Variants in PIAS1 observed in about 807,000 individuals in gnomAD.
PIAS1 encodes E3 SUMO-protein ligase PIAS1.
A neutral mutation model predicts 71.3 loss-of-function variants in PIAS1; 6 were observed. The observed-to-expected ratio is 0.08, with a 90% CI of 0.05 to 0.17. The LOEUF (loss-of-function observed/expected upper bound fraction) is 0.17. Among genes scored for constraint, PIAS1 ranks in the 10% least tolerant of loss-of-function variants. The pLI, the probability that PIAS1 is intolerant of heterozygous loss-of-function variation, is 1.00. For synonymous variants in PIAS1, 303 were observed against 292.9 expected (o/e 1.03, Z -0.35); for missense variants, 555 against 793.6 (o/e 0.70, Z 3.61).
chr15:68,056,606 T>G (rs2091899236), intron 1 of PIAS1, among the ~76,000 whole-genome samples: 2 of 152,122 alleles, frequency 1.3e-5, no homozygotes, highest in African/African-American at 4.8e-5. Context: ...TGTGTGTGTC[T>G]GAGACTTTGA....
intron 2 of PIAS1, among the ~76,000 whole-genome samples, chr15:68,103,928 GTTTTCAATTCT>G (rs2092449209): frequency 6.6e-6 from 1 of 152,152 alleles, no homozygotes; most frequent in Non-Finnish European, 1.5e-5. Flanking sequence ...GTGGAAATAT[GTTTTCAATTCT>G]TTTGGTTAAA....
chr15:68,158,356 T>C (rs2092904471), intron 7 of PIAS1, among the ~76,000 whole-genome samples: 1 of 152,212 alleles, frequency 6.6e-6, no homozygotes, highest in African/African-American at 2.4e-5. Flanking sequence ...TTTTGTGCTC[T>C]ATGCCTCAAA....
intron 1 of PIAS1, among the ~76,000 whole-genome samples, chr15:68,075,278 G>A (rs113928601): frequency 6.6e-6 from 1 of 151,296 alleles, no homozygotes; most frequent in Non-Finnish European, 1.5e-5. Context: ...TAGAGATGGA[G>A]TTTCACCATG....
intron 2 of PIAS1, among the ~76,000 whole-genome samples, chr15:68,139,792 TC>T (rs1488528171): frequency 1.3e-5 from 2 of 152,188 alleles, no homozygotes; most frequent in African/African-American, 4.8e-5. Flanking sequence ...TTTTTCTGTA[TC>T]CCTGTGGATT....
At chr15:68,143,005 CATTT>C (rs1331705990) in intron 4 of PIAS1, among the ~76,000 whole-genome samples, 2 of 152,050 alleles carry the variant, frequency 1.3e-5, no homozygotes, top group African/African-American at 4.8e-5. Flanking sequence ...TTAGCCCATT[CATTT>C]GTCTTAGAAT....
At chr15:68,102,215 G>A (rs2092432873) in intron 2 of PIAS1, among the ~76,000 whole-genome samples, 1 of 152,118 alleles carries the variant, frequency 6.6e-6, no homozygotes, top group African/African-American at 2.4e-5. Context: ...TGTTGCAAAG[G>A]CCGTCCTCCT....
chr15:68,091,095 A>G (rs1177081901), intron 2 of PIAS1, among the ~76,000 whole-genome samples: 3 of 152,144 alleles, frequency 2.0e-5, no homozygotes, highest in African/African-American at 7.2e-5. Context: ...ACATGTGTTA[A>G]GGGGTACTTT....
intron 2 of PIAS1, among the ~76,000 whole-genome samples, chr15:68,094,432 C>G (rs2092357802): frequency 6.6e-6 from 1 of 151,800 alleles, no homozygotes; most frequent in Non-Finnish European, 1.5e-5. Context: ...GGAACAGATG[C>G]TTTAACACTC....
At chr15:68,072,612 T>C (rs771646187) in intron 1 of PIAS1, among the ~76,000 whole-genome samples, 20 of 152,250 alleles carry the variant, frequency 1.3e-4, no homozygotes, top group Admixed American at 2.6e-4. Flanking sequence ...CCATCTGAAC[T>C]ACAGACTTCC....
rs954161771 is a variant in PIAS1 at position 68,086,127 on chromosome 15, T to A, written c.25-179T>A. ...GAATTTATGAATATTAATTTTAAATTTCTTTGGTTACTTAACGTTAAATGA... is the reference window on the plus strand; with the variant it reads ...GAATTTATGAATATTAATTTTAAATATCTTTGGTTACTTAACGTTAAATGA... On this transcript the variant is annotated intron_variant, in intron 1 of 13. Transcript: ENST00000249636. This position sits in a 1 kb window ranked among gnomAD's most constrained non-coding sequence, Gnocchi z 7.2. Among the ~76,000 whole-genome samples, 1 of 152,194 alleles carries A rather than the reference T, an allele frequency of 6.6e-6. No homozygotes were observed. Among genetic ancestry groups the A allele is most frequent in the African/African-American group, 2.4e-5 (1 of 41,440 alleles).
At chr15:68,105,614 A>C (rs971828932) in intron 2 of PIAS1, among the ~76,000 whole-genome samples, 6 of 151,938 alleles carry the variant, frequency 3.9e-5, no homozygotes, top group Non-Finnish European at 8.8e-5. Context: ...CTAGCATTTC[A>C]CCTCTAGTTT....
chr15:68,115,513 C>CT (rs2092558580), intron 2 of PIAS1, among the ~76,000 whole-genome samples: 1 of 152,014 alleles, frequency 6.6e-6, no homozygotes, highest in Admixed American at 6.6e-5. Context: ...CAGTTTTACT[C>CT]TTTTCCAGTC....
At position 68,086,801 on chromosome 15, in the gene PIAS1, GT is replaced by G. The variant is rs2092287216; in HGVS notation, c.469+55del. 2 of 1,196,528 alleles carry G rather than the reference GT, an allele frequency of 1.7e-6. No homozygotes were observed. Among genetic ancestry groups the G allele is most frequent in the African/African-American group, 1.5e-5 (1 of 65,856 alleles). 74.1% of individuals were successfully genotyped at this position (1,196,528 alleles called of 1,614,324 possible). A position where few individuals can be genotyped will look rare whatever the true frequency, so the allele number is the denominator to read the frequency against. ...GGTTACTTTTGCAGGATGAATTTTC[GT>G]TTTAGGCTTTTACTTTGACCCAGTT... On this transcript the variant is annotated intron_variant, in intron 2 of 13. Coordinates refer to ENST00000249636, the MANE Select transcript of PIAS1 (RefSeq NM_016166.3). The surrounding 1 kb of genome is among the most constrained non-coding windows in gnomAD (Gnocchi z 7.2).
In PIAS1 at chr15:68,130,194, G is replaced by A. The variant is rs146216582; in HGVS notation, c.470-11752G>A. Among the ~76,000 whole-genome samples the A allele has an allele frequency of 4.1e-3, 618 of 151,732 alleles. 3 individuals carry two copies. Among genetic ancestry groups the A allele is most frequent in the African/African-American group, 0.014 (596 of 41,440 alleles). On this transcript the variant is annotated intron_variant, in intron 2 of 13. Transcript: ENST00000249636. The stretch of plus-strand genomic sequence containing the variant: ...AAAAATAAAGATTTTTTAAAAATAG[G>A]AAAAAAGGTGGAATTAATAAATAAA...
At chr15:68,160,544 A>C (rs959077160) in intron 7 of PIAS1, among the ~76,000 whole-genome samples, 1 of 152,134 alleles carries the variant, frequency 6.6e-6, no homozygotes, top group East Asian at 1.9e-4. Context: ...GAATTCTCCA[A>C]TTTTGTTTTT....
At chr15:68,181,516 AC>A (rs1254850336) in intron 12 of PIAS1, 162 bp downstream of exon 12, 1 of 615,626 alleles carries the variant, frequency 1.6e-6, no homozygotes, top group Non-Finnish European at 2.8e-6. Context: ...ATAAATACTG[AC>A]CCAGTTCGTT....
intron 2 of PIAS1, chr15:68,087,886 A>G: frequency 3.2e-6 from 1 of 312,546 alleles, no homozygotes; most frequent in Admixed American, 3.6e-5. Flanking sequence ...TCATTTTCAA[A>G]CAACGTGAGT....
intron 2 of PIAS1, among the ~76,000 whole-genome samples, chr15:68,120,863 C>T (rs1002105137): frequency 1.3e-5 from 2 of 152,138 alleles, no homozygotes; most frequent in Admixed American, 1.3e-4. Context: ...CCATGTTGAC[C>T]AGGCTGGTCT....
intron 2 of PIAS1, among the ~76,000 whole-genome samples, chr15:68,101,895 T>C (rs1434774772): frequency 6.6e-6 from 1 of 152,098 alleles, no homozygotes; most frequent in Non-Finnish European, 1.5e-5. Flanking sequence ...AGACTACAGG[T>C]GTGTGCCATC....
Sources: gnomAD v4.1 joint callset for allele counts (sites outside exome capture counted in the v4.1 genomes callset) on GRCh38, gnomAD v4.1.1 for gene constraint, Gnocchi (gnomAD v3.1) non-coding constraint, MANE v1.5 for transcripts, NCBI Gene and HGNC (gene_info 2026-07-23, HGNC 2026-07-21) for gene names.